Variants in NIN observed in about 807,000 individuals in gnomAD.
The protein encoded by NIN is ninein, also known as glycogen synthase kinase 3 beta-interacting protein.
A neutral mutation model predicts 257.6 loss-of-function variants in NIN; 137 were observed. The observed-to-expected ratio is 0.53, with a 90% CI of 0.46 to 0.61. The LOEUF (loss-of-function observed/expected upper bound fraction) is 0.61. Ranked by LOEUF, NIN falls within the 20% of genes least tolerant of loss-of-function variation. The pLI is 0.00. For synonymous variants in NIN, 918 were observed against 919.8 expected (o/e 1.00, Z 0.04); for missense variants, 2,439 against 2,501.2 (o/e 0.98, Z 0.53).
intron 5 of NIN, among the ~76,000 whole-genome samples, chr14:50,789,715 A>T (rs2141998083): frequency 6.6e-6 from 1 of 152,344 alleles, no homozygotes; most frequent in South Asian, 2.1e-4. Context: ...CCACTCTAGA[A>T]CAGGCAAGAT....
At position 50,726,002 on chromosome 14, in the gene NIN, T is replaced by A; in HGVS notation, c.6143A>T (p.Lys2048Ile). 1 of 1,614,140 alleles carries A rather than the reference T, an allele frequency of 6.2e-7. No individual in the cohort carries two copies. The highest frequency in any genetic ancestry group is 8.5e-7 in the Non-Finnish European group (1 of 1,179,980). The change falls in exon 30 of 31, where the codon AAA becomes ATA. Residue 2048 changes from lysine (K) to isoleucine (I), a missense_variant. Physicochemically the swap from Lys to Ile is moderately radical, Grantham distance 102. Around this residue, in one of 3 missense-constraint regions of NIN, gnomAD observed 2,043 missense variants for 2,050.2 expected, o/e 1.00. Coordinates refer to ENST00000530997, the MANE Select transcript of NIN (RefSeq NM_020921.4). ...ERMIEVEQKL[K>I]LVKRLLQEKV... is the part of the protein sequence containing the mutation. Reference sequence around the variant, plus strand: ...CTCTTGAAGAAGCCTTTTCACTAGTTTCAGTTTCTGTTCAACTTCTATCAT... The same window carrying A: ...CTCTTGAAGAAGCCTTTTCACTAGTATCAGTTTCTGTTCAACTTCTATCAT...
chr14:50,802,930 C>T (rs995874716), intron 4 of NIN, among the ~76,000 whole-genome samples: 11 of 152,198 alleles, frequency 7.2e-5, no homozygotes, highest in African/African-American at 1.9e-4. Flanking sequence ...TATCAATTCA[C>T]GGCCCTCTTG....
intron 25 of NIN, 129 bp downstream of exon 25, chr14:50,741,452 CA>C: frequency 4.1e-6 from 3 of 729,182 alleles, no homozygotes; most frequent in Non-Finnish European, 6.6e-6. Flanking sequence ...GATGGTTATA[CA>C]AACACAGATA....
At chr14:50,724,899 TCTC>T (rs1302343639) in intron 30 of NIN, among the ~76,000 whole-genome samples, 11 of 152,180 alleles carry the variant, frequency 7.2e-5, no homozygotes, top group African/African-American at 2.4e-4. Context: ...TCTCTTGTGT[TCTC>T]CTCTACTGAA....
At chr14:50,817,329 C>T (rs1011550935) in intron 3 of NIN, among the ~76,000 whole-genome samples, 1 of 152,174 alleles carries the variant, frequency 6.6e-6, no homozygotes, top group Non-Finnish European at 1.5e-5. Context: ...CTCCATTTTT[C>T]ATTTACACTT....
At chr14:50,755,268 C>G (rs915243804) in intron 18 of NIN, among the ~76,000 whole-genome samples, 5 of 152,106 alleles carry the variant, frequency 3.3e-5, no homozygotes, top group African/African-American at 1.2e-4. Context: ...TTTTAGGCCC[C>G]TGGGTACCTA....
intron 5 of NIN, among the ~76,000 whole-genome samples, chr14:50,784,818 C>A (rs1031652130): frequency 6.6e-5 from 10 of 152,206 alleles, no homozygotes; most frequent in South Asian, 2.1e-4. Context: ...ACTTCCAATT[C>A]AACTTAGGAT....
At chr14:50,774,268 TA>T (rs938928151) in intron 7 of NIN, among the ~76,000 whole-genome samples, 1 of 152,248 alleles carries the variant, frequency 6.6e-6, no homozygotes, top group Non-Finnish European at 1.5e-5. Flanking sequence ...ATTCCTTTTG[TA>T]AATCTGGACT....
At chr14:50,805,452 A>G (rs1283381984) in intron 4 of NIN, among the ~76,000 whole-genome samples, 1 of 152,180 alleles carries the variant, frequency 6.6e-6, no homozygotes, top group Non-Finnish European at 1.5e-5. Context: ...AGTTAAGAAC[A>G]ACATTGCTAG....
At chr14:50,810,893 A>T (rs955099689) in intron 3 of NIN, among the ~76,000 whole-genome samples, 5 of 152,010 alleles carry the variant, frequency 3.3e-5, no homozygotes, top group African/African-American at 1.2e-4. Context: ...CGATCTCCTG[A>T]CCTCGTGATC....
chr14:50,781,478 C>A (rs2043132541), intron 5 of NIN, among the ~76,000 whole-genome samples: 1 of 152,224 alleles, frequency 6.6e-6, no homozygotes, highest in Non-Finnish European at 1.5e-5. Flanking sequence ...GCAAGATGCT[C>A]CAATATACTG....
intron 30 of NIN, 84 bp from the exon 31 acceptor site, chr14:50,723,756 T>A (rs2040315920): frequency 1.7e-6 from 2 of 1,192,372 alleles, no homozygotes; most frequent in South Asian, 1.3e-5. Flanking sequence ...TAAGGACAGT[T>A]GTTTTATAAA....
chr14:50,759,976 C>T lies in NIN; in HGVS notation c.2280G>A (p.Gln760=), dbSNP rs1235121128. 6.2e-7 allele frequency: 1 copy of T among 1,614,228 alleles called. No individual in the cohort carries two copies. ...GCTCCTGGTGAAACTGCTCTAGTTC[C>T]TGAGTCAAGCCTCTCACCTTCTCTT... ...WTEEKVRGLT[Q]ELEQFHQEQL... is the part of the protein sequence containing the mutation. The change falls in exon 17 of 31, where the codon CAG becomes CAA. Residue 760 remains glutamine, a synonymous_variant. Coordinates refer to ENST00000530997, the MANE Select transcript of NIN (RefSeq NM_020921.4).
chr14:50,774,986 G>A (rs1169949653), intron 7 of NIN, among the ~76,000 whole-genome samples: 1 of 152,204 alleles, frequency 6.6e-6, no homozygotes, highest in Non-Finnish European at 1.5e-5. Context: ...TAGCTGGTTT[G>A]CTGAAGTGTA....
Position 50,756,561 on chromosome 14 carries a change from T to A in NIN, c.4469A>T (p.Glu1490Val), listed in dbSNP as rs1262913035. 1 of 1,613,302 alleles carries A rather than the reference T, an allele frequency of 6.2e-7. No individual in the cohort carries two copies. The change falls in exon 18 of 31, where the codon GAG (glutamate) becomes GTG (valine). Residue 1490 changes from glutamate (E) to valine (V), a missense_variant. By Grantham distance (121) the Glu-to-Val change is moderately radical (BLOSUM62 -2). Coordinates refer to ENST00000530997, the MANE Select transcript of NIN (RefSeq NM_020921.4). ...CAAGTCATGCATCATTGCCTTCAGCTCTTCCTCCTTTTCTCCGTGAGAAAG... is the reference window on the plus strand; with the variant it reads ...CAAGTCATGCATCATTGCCTTCAGCACTTCCTCCTTTTCTCCGTGAGAAAG... Reference protein sequence around the residue: ...DVLSHGEKEEELKAMMHDLQI... With the variant: ...DVLSHGEKEEVLKAMMHDLQI...
chr14:50,750,171 C>T (rs8011819), intron 21 of NIN, among the ~76,000 whole-genome samples: 75,181 of 151,714 alleles, frequency 0.5, 18,884 homozygotes, highest in Admixed American at 0.56. Flanking sequence ...CAGGCTTATC[C>T]TGTATTTTTC....
chr14:50,743,859 G>A (rs906700129), intron 23 of NIN, among the ~76,000 whole-genome samples: 4 of 152,010 alleles, frequency 2.6e-5, no homozygotes, highest in Non-Finnish European at 4.4e-5. Context: ...TATCTCTTAA[G>A]GCAGGTGGGG....
chr14:50,815,476 G>A (rs899426132), intron 3 of NIN, among the ~76,000 whole-genome samples: 1 of 152,218 alleles, frequency 6.6e-6, no homozygotes, highest in African/African-American at 2.4e-5. Context: ...GCGGAAGATA[G>A]TGTGGTGATT....
At chr14:50,830,107 C>T (rs1250834010) in intron 2 of NIN, among the ~76,000 whole-genome samples, 2 of 152,232 alleles carry the variant, frequency 1.3e-5, no homozygotes, top group African/African-American at 4.8e-5. Flanking sequence ...TCGGATTTCC[C>T]CATGCAGTTT....
Sources: gnomAD v4.1 joint callset for allele counts (sites outside exome capture counted in the v4.1 genomes callset) on GRCh38, gnomAD v4.1.1 for gene constraint, gnomAD v4.1.1 regional missense constraint, MANE v1.5 for transcripts, NCBI Gene and HGNC (gene_info 2026-07-23, HGNC 2026-07-21) for gene names.